TMEM63A: variants seen among roughly 807,000 people sequenced by gnomAD.
TMEM63A encodes the protein mechanosensitive cation channel TMEM63A.
In TMEM63A, 76 loss-of-function variants were observed where a neutral mutation model predicts 100.6. The ratio of observed to expected loss-of-function variants is 0.76; its 90% CI spans 0.63 to 0.91. TMEM63A has a LOEUF of 0.91. TMEM63A is among the 40% of genes least tolerant of loss of function. TMEM63A has a pLI of 0.00. For synonymous variants in TMEM63A, 401 were observed against 401.1 expected (o/e 1.00, Z 0.00); for missense variants, 876 against 1,008.8 (o/e 0.87, Z 1.78).
downstream of TMEM63A, chr1:225,842,322 G>T: frequency 7.1e-7 from 1 of 1,410,932 alleles, no homozygotes. Flanking sequence ...CAGCTCTCTG[G>T]TCCCCAGGCC....
chr1:225,864,507 T>A (rs1670103005), intron 10 of TMEM63A: 1 of 152,240 alleles, frequency 6.6e-6, no homozygotes, highest in Admixed American at 6.5e-5. Flanking sequence ...AATGTTTGTA[T>A]GAGAATGAGG....
At chr1:225,844,996 G>C, downstream of TMEM63A, 1 of 867,456 alleles carries the variant, frequency 1.2e-6, no homozygotes, top group African/African-American at 1.7e-5. Context: ...TGAGGGGAGA[G>C]CGGTTGAGAC....
At chr1:225,842,343 C>T, downstream of TMEM63A, 1 of 1,543,460 alleles carries the variant, frequency 6.5e-7, no homozygotes, top group Non-Finnish European at 9.0e-7. Flanking sequence ...TGAGTCTCTC[C>T]CTTGCTCCCC....
chr1:225,876,729 A>G lies in TMEM63A; in HGVS notation c.186+666T>C, dbSNP rs545264411. Among the ~76,000 whole-genome samples, 20 of 151,324 alleles carry G rather than the reference A, an allele frequency of 1.3e-4. No homozygotes were observed. The South Asian group carries it at 4.2e-3, about 32-fold the overall frequency. On this transcript the variant is annotated intron_variant, in intron 3 of 24. Coordinates refer to ENST00000366835, the MANE Select transcript of TMEM63A (RefSeq NM_014698.3). ...AGTGGCGTGATCTCGGCTCATTGCAACTCTGCCTCCCAGGTTCAAGCAATT... is the reference window on the plus strand; with the variant it reads ...AGTGGCGTGATCTCGGCTCATTGCAGCTCTGCCTCCCAGGTTCAAGCAATT...
In TMEM63A at chr1:225,865,617, C is replaced by T. The variant is rs1670164248; in HGVS notation, c.746+280G>A. ...TTTTTTCCCCCGTATGCTCTCAAGA[C>T]GTTTATTCGCACCTACACCCTGGTC... On this transcript the variant is annotated intron_variant, in intron 10 of 24. Coordinates refer to ENST00000366835, the MANE Select transcript of TMEM63A (RefSeq NM_014698.3). The surrounding 1 kb of genome is among the most constrained non-coding windows in gnomAD (Gnocchi z 4.6). 2.6e-6 allele frequency: 1 copy of T among 380,132 alleles called. No homozygotes were observed. Among genetic ancestry groups the T allele is most frequent in the Non-Finnish European group, 5.0e-6 (1 of 201,920 alleles). 23.5% of individuals were successfully genotyped at this position (380,132 alleles called of 1,614,324 possible).
intron 14 of TMEM63A, 97 bp downstream of exon 14, chr1:225,860,763 C>T: frequency 7.0e-7 from 1 of 1,435,194 alleles, no homozygotes; most frequent in Middle Eastern, 2.6e-4. Flanking sequence ...GTGGAGATCT[C>T]CATTGACTGC....
chr1:225,864,644 A>G (rs1303780307), intron 10 of TMEM63A: 1 of 152,246 alleles, frequency 6.6e-6, no homozygotes, highest in African/African-American at 2.4e-5. Context: ...TTGAGTATTT[A>G]CATATTAGTA....
At chr1:225,845,280 C>G, downstream of TMEM63A, 1 of 1,613,446 alleles carries the variant, frequency 6.2e-7, no homozygotes, top group East Asian at 2.2e-5. Context: ...CACTTTGCGG[C>G]CTTTGAGGAG....
chr1:225,856,927 C>G lies in TMEM63A; in HGVS notation c.1468G>C (p.Glu490Gln), dbSNP rs758545850. ...PSIVYYSTLL[E>Q]SHWTKSGENQ... ...GGCACTCACTTGGTCCAGTGAGACT[C>G]CAGCAGTGTAGAGTAGTAGACAATG... Residue 490 changes from glutamate (E) to glutamine (Q), a missense_variant, in exon 16 of 25, where the codon GAG becomes CAG. Glu to Gln is a conservative substitution (Grantham distance 29, BLOSUM62 2). Around this residue, in one of 5 missense-constraint regions of TMEM63A, gnomAD observed 487 missense variants for 581.9 expected, o/e 0.84. Transcript: ENST00000366835. The G allele has an allele frequency of 6.2e-7, 1 of 1,610,636 alleles. No homozygotes were observed. The highest frequency in any genetic ancestry group is 8.5e-7 in the Non-Finnish European group (1 of 1,179,088).
At chr1:225,872,937 C>T (rs1398815816) in intron 4 of TMEM63A, among the ~76,000 whole-genome samples, 1 of 151,938 alleles carries the variant, frequency 6.6e-6, no homozygotes, top group Non-Finnish European at 1.5e-5. Flanking sequence ...CATGATCCAC[C>T]CCCGCCTCGG....
Position 225,846,921 on chromosome 1 carries a change from G to A in TMEM63A, c.*18C>T. 7.9e-7 allele frequency: 1 copy of A among 1,265,078 alleles called. No individual in the cohort carries two copies. Among genetic ancestry groups the A allele is most frequent in the Non-Finnish European group, 1.1e-6 (1 of 943,392 alleles). The allele number at this position is 1,265,078 out of a possible 1,614,324, so 78.4% of individuals were successfully genotyped here. On this transcript the variant is annotated 3_prime_UTR_variant, in exon 25 of 25. Transcript: ENST00000366835. ...AGGCCATTCTGGTTGTGTCTTTTCA[G>A]AGCAGTGAGACCTAAAACAGATGGG...
chr1:225,857,376 C>CGGGGTGGGGGGGGGGGGGGG lies in TMEM63A; in HGVS notation c.1378-360_1378-359insCCCCCCCCCCCCCCCACCCC, dbSNP rs1213111924. 7.1e-3 allele frequency among the ~76,000 whole-genome samples: 23 copies of CGGGGTGGGGGGGGGGGGGGG among 3,250 alleles called. 1 individual carries two copies. The highest frequency in any genetic ancestry group is 0.013 in the African/African-American group (20 of 1,598). 2.1% of individuals were successfully genotyped at this position (3,250 alleles called of 152,430 possible). ...AACACCGAAGGCCTGGAGTCCTGGC[C>CGGGGTGGGGGGGGGGGGGGG]GGCGGGGCGGGGGGGGGGGGGTGCC... is the stretch of plus-strand genomic sequence containing the variant. On this transcript the variant is annotated intron_variant, in intron 15 of 24. Coordinates refer to ENST00000366835, the MANE Select transcript of TMEM63A (RefSeq NM_014698.3).
At chr1:225,871,204 A>G in intron 5 of TMEM63A, 91 bp from the exon 6 acceptor site, 4 of 1,356,326 alleles carry the variant, frequency 2.9e-6, no homozygotes, top group Non-Finnish European at 4.1e-6. Context: ...ATAACCATTT[A>G]ACCTCCTGTT....
At chr1:225,866,332 T>G (rs1276724383) in intron 9 of TMEM63A, 1 of 533,910 alleles carries the variant, frequency 1.9e-6, no homozygotes, top group Non-Finnish European at 3.4e-6. Flanking sequence ...GAGAAAGGGC[T>G]GCTCTCAACC....
downstream of TMEM63A, chr1:225,844,609 C>T (rs1409649280): frequency 4.3e-6 from 7 of 1,613,962 alleles, no homozygotes; most frequent in African/African-American, 5.3e-5. Flanking sequence ...GCTGGATGAC[C>T]CAGAAGCATG....
rs1444127282 is a variant in TMEM63A at position 225,871,186 on chromosome 1, G to A, written c.334-73C>T. Reference sequence around the variant, plus strand: ...AGAGGCAGATGTAACCATTGTCTTTGACATTAAATAACCATTTAACCTCCT... The same window carrying A: ...AGAGGCAGATGTAACCATTGTCTTTAACATTAAATAACCATTTAACCTCCT... On this transcript the variant is annotated intron_variant, in intron 5 of 24. Coordinates refer to ENST00000366835, the MANE Select transcript of TMEM63A (RefSeq NM_014698.3). 2.0e-6 allele frequency: 3 copies of A among 1,495,628 alleles called. No individual in the cohort carries two copies. The East Asian group carries it at 7.0e-5, about 35-fold the overall frequency. The allele number at this position is 1,495,628 out of a possible 1,614,324, so 92.6% of individuals were successfully genotyped here. A position where few individuals can be genotyped will look rare whatever the true frequency, so the allele number is the denominator to read the frequency against.
At chr1:225,857,225 G>T (rs1187514559) in intron 15 of TMEM63A, among the ~76,000 whole-genome samples, 1 of 152,144 alleles carries the variant, frequency 6.6e-6, no homozygotes, top group Non-Finnish European at 1.5e-5. Flanking sequence ...TATTTGTACA[G>T]CTCCTCACAG....
At chr1:225,855,621 G>A (rs1669575107) in intron 18 of TMEM63A, among the ~76,000 whole-genome samples, 1 of 152,050 alleles carries the variant, frequency 6.6e-6, no homozygotes, top group Non-Finnish European at 1.5e-5. Flanking sequence ...CAATGAATGA[G>A]ACAGCTGCTA....
chr1:225,861,980 G>T, intron 13 of TMEM63A: 1 of 615,792 alleles, frequency 1.6e-6, no homozygotes, highest in Non-Finnish European at 2.8e-6. Flanking sequence ...AGCTCGAGGG[G>T]GTCAGCCAGA....
Sources: allele counts gnomAD v4.1 joint callset (sites outside exome capture counted in the v4.1 genomes callset), GRCh38; gene constraint gnomAD v4.1.1; regional missense constraint gnomAD v4.1.1; non-coding constraint Gnocchi (gnomAD v3.1); transcripts MANE v1.5; gene names NCBI Gene and HGNC (gene_info 2026-07-23, HGNC 2026-07-21).